LNX1: variants seen among roughly 807,000 people sequenced by gnomAD.
LNX1 encodes ligand of numb-protein X 1, also known as E3 ubiquitin-protein ligase LNX.
In LNX1, 54 loss-of-function variants were observed where a neutral mutation model predicts 68.4. That is an observed-to-expected ratio of 0.79 (90% CI 0.63 to 0.99). The LOEUF is 0.99. Ranked by LOEUF, LNX1 falls within the 50% of genes least tolerant of loss-of-function variation. The pLI, the probability that LNX1 is intolerant of heterozygous loss-of-function variation, is 0.00. For synonymous variants in LNX1, 336 were observed against 350.0 expected (o/e 0.96, Z 0.45); for missense variants, 906 against 926.4 (o/e 0.98, Z 0.29).
intron 9 of LNX1, among the ~76,000 whole-genome samples, chr4:53,462,364 A>G (rs1233596027): frequency 2.0e-5 from 3 of 152,080 alleles, no homozygotes; most frequent in Non-Finnish European, 4.4e-5. Context: ...AGTGTTAACT[A>G]TGTTATAATT....
intron 4 of LNX1, among the ~76,000 whole-genome samples, chr4:53,501,264 A>AAATAGAT (rs1231596124): frequency 3.6e-5 from 5 of 138,186 alleles, no homozygotes; most frequent in Non-Finnish European, 1.5e-5. Context: ...TAACCCTATG[A>AAATAGAT]AATAGATGAT....
chr4:53,635,425 T>C (rs1007290683), intron 1 of LNX1, among the ~76,000 whole-genome samples: 1 of 152,204 alleles, frequency 6.6e-6, no homozygotes, highest in Non-Finnish European at 1.5e-5. Flanking sequence ...ATTTTGAAAA[T>C]ATAAATTTTC....
chr4:53,465,439 T>C (rs895478106), intron 9 of LNX1, among the ~76,000 whole-genome samples: 1 of 152,238 alleles, frequency 6.6e-6, no homozygotes, highest in Non-Finnish European at 1.5e-5. Context: ...AAACACATTA[T>C]TTAGTTTGGC....
At chr4:53,465,779 A>C (rs186916214) in intron 9 of LNX1, among the ~76,000 whole-genome samples, 1 of 152,224 alleles carries the variant, frequency 6.6e-6, no homozygotes, top group Non-Finnish European at 1.5e-5. Context: ...GTTGGTTTTC[A>C]TATCACTAGT....
At chr4:53,637,175 G>A (rs1200863913) in intron 1 of LNX1, among the ~76,000 whole-genome samples, 1 of 151,836 alleles carries the variant, frequency 6.6e-6, no homozygotes, top group African/African-American at 2.4e-5. Context: ...CCAATAATTG[G>A]ACCAAAACAC....
intron 2 of LNX1, among the ~76,000 whole-genome samples, chr4:53,601,564 A>G (rs1306854989): frequency 6.6e-6 from 1 of 152,184 alleles, no homozygotes; most frequent in African/African-American, 2.4e-5. Context: ...CAGCTGTGAC[A>G]ACTGCGTGAG....
At chr4:53,473,522 GA>G (rs1280572684) in intron 9 of LNX1, among the ~76,000 whole-genome samples, 6 of 152,186 alleles carry the variant, frequency 3.9e-5, no homozygotes, top group African/African-American at 1.4e-4. Flanking sequence ...GGATCTGGAG[GA>G]CATTATCCTT....
At chr4:53,545,062 G>A (rs1729014838) in intron 2 of LNX1, among the ~76,000 whole-genome samples, 2 of 152,204 alleles carry the variant, frequency 1.3e-5, no homozygotes, top group African/African-American at 4.8e-5. Context: ...AAGAGGGAAG[G>A]ATTATTCCAG....
chr4:53,480,389 A>T (rs1477591576), intron 7 of LNX1, among the ~76,000 whole-genome samples: 1 of 152,230 alleles, frequency 6.6e-6, no homozygotes, highest in African/African-American at 2.4e-5. Flanking sequence ...ACCACAGTGC[A>T]GATGGAGGCT....
intron 1 of LNX1, among the ~76,000 whole-genome samples, chr4:53,575,183 T>C (rs1731407142): frequency 6.6e-6 from 1 of 152,190 alleles, no homozygotes; most frequent in African/African-American, 2.4e-5. Flanking sequence ...GGTTTCGCCA[T>C]GTTGGCCAGG....
At chr4:53,526,673 C>T (rs1727633128) in intron 2 of LNX1, among the ~76,000 whole-genome samples, 3 of 151,740 alleles carry the variant, frequency 2.0e-5, no homozygotes, top group Non-Finnish European at 1.5e-5. Context: ...ATACCCTATT[C>T]CATCTTTCTG....
intron 6 of LNX1, among the ~76,000 whole-genome samples, chr4:53,485,332 A>G (rs1455933749): frequency 6.6e-6 from 1 of 152,182 alleles, no homozygotes; most frequent in Non-Finnish European, 1.5e-5. Flanking sequence ...TTCATTTTGG[A>G]TGAGGAGTAG....
At chr4:53,621,243 C>T (rs1560696909), upstream of LNX1, among the ~76,000 whole-genome samples, 1 of 152,160 alleles carries the variant, frequency 6.6e-6, no homozygotes, top group Non-Finnish European at 1.5e-5. Context: ...GAAGGAATTG[C>T]AGTTCTCTAA....
rs79282990 is a variant in LNX1, at chr4:53,475,617, C to G, written c.1892+1136G>C. Among the ~76,000 whole-genome samples the G allele has an allele frequency of 3.9e-5, 6 of 152,302 alleles. No individual in the cohort carries two copies. The East Asian group carries it at 1.2e-3, about 29-fold the overall frequency. Reference sequence around the variant, plus strand: ...CATATTTAGTCCTATGCTAGTATATCTTCAGTGATGCTAATATTTAGCATT... The same window carrying G: ...CATATTTAGTCCTATGCTAGTATATGTTCAGTGATGCTAATATTTAGCATT... On this transcript the variant is annotated intron_variant, in intron 9 of 10. Transcript: ENST00000263925.
chr4:53,506,856 T>TAACAAAAAA (rs1725917940), intron 4 of LNX1, among the ~76,000 whole-genome samples: 1 of 54,206 alleles, frequency 1.8e-5, no homozygotes, highest in Admixed American at 2.9e-4. Context: ...AAACTCTGTC[T>TAACAAAAAA]AAAAAAAAAA....
At chr4:53,573,550 A>G in intron 2 of LNX1, 73 bp downstream of exon 2, 1 of 980,370 alleles carries the variant, frequency 1.0e-6, no homozygotes, top group South Asian at 1.6e-5. Flanking sequence ...AGCCCTCAGG[A>G]GACTGGGGGG....
chr4:53,572,998 T>A (rs1449791029), intron 2 of LNX1, among the ~76,000 whole-genome samples: 2 of 152,178 alleles, frequency 1.3e-5, no homozygotes, highest in Non-Finnish European at 2.9e-5. Context: ...CTGGGGCACC[T>A]TTTTTTCCTT....
At chr4:53,596,538 T>C (rs1732763202) in intron 2 of LNX1, among the ~76,000 whole-genome samples, 1 of 152,228 alleles carries the variant, frequency 6.6e-6, no homozygotes, top group Non-Finnish European at 1.5e-5. Flanking sequence ...CATATTTTTA[T>C]GTTTCTATGA....
intron 2 of LNX1, among the ~76,000 whole-genome samples, chr4:53,525,109 T>C (rs1202358985): frequency 6.6e-6 from 1 of 152,150 alleles, no homozygotes; most frequent in African/African-American, 2.4e-5. Flanking sequence ...CATGCTCCTC[T>C]TTCACTCTCA....
Sources: allele counts gnomAD v4.1 joint callset (sites outside exome capture counted in the v4.1 genomes callset), GRCh38; gene constraint gnomAD v4.1.1; transcripts MANE v1.5; gene names NCBI Gene and HGNC (gene_info 2026-07-23, HGNC 2026-07-21).